CTNNA3: variants seen among roughly 807,000 people sequenced by gnomAD.
CTNNA3 encodes catenin alpha-3.
A neutral mutation model predicts 95.7 loss-of-function variants in CTNNA3; 76 were observed. The ratio of observed to expected loss-of-function variants is 0.79; its 90% confidence interval spans 0.66 to 0.96. The LOEUF is 0.96. CTNNA3 is among the 40% of genes least tolerant of loss of function. The pLI is 0.00. For missense variants in CTNNA3, 1,191 were observed against 1,089.8 expected, an observed-to-expected ratio of 1.09 and a Z score of -1.31; for synonymous variants, 431 against 374.4, an observed-to-expected ratio of 1.15 and a Z score of -1.74.
At chr10:67,027,103 T>C (rs1256181716) in intron 7 of CTNNA3, among the ~76,000 whole-genome samples, 2 of 152,170 alleles carry the variant, frequency 1.3e-5, no homozygotes, top group Non-Finnish European at 2.9e-5. Flanking sequence ...TTCTTTTATA[T>C]CCCTTATAGC....
At chr10:66,875,695 T>C (rs1844590257) in intron 7 of CTNNA3, among the ~76,000 whole-genome samples, 1 of 152,194 alleles carries the variant, frequency 6.6e-6, no homozygotes. Flanking sequence ...AACATTTAAA[T>C]GTCATTTGAG....
chr10:67,632,595 C>A (rs2133440147), intron 2 of CTNNA3, among the ~76,000 whole-genome samples: 1 of 152,202 alleles, frequency 6.6e-6, no homozygotes, highest in Admixed American at 6.5e-5. Context: ...AAATGAACCC[C>A]CACCCTGAGC....
chr10:66,865,384 C>A (rs1289037293), intron 7 of CTNNA3, among the ~76,000 whole-genome samples: 1 of 152,004 alleles, frequency 6.6e-6, no homozygotes, highest in Non-Finnish European at 1.5e-5. Context: ...AAGGTGCCAG[C>A]ATTTTGTCAG....
intron 1 of CTNNA3, among the ~76,000 whole-genome samples, chr10:67,752,689 AACAG>A (rs1273812424): frequency 1.3e-5 from 2 of 152,158 alleles, no homozygotes; most frequent in African/African-American, 2.4e-5. Flanking sequence ...ACAATAGACA[AACAG>A]ACAGCCAAAT....
chr10:66,170,105 T>G (rs966471630), intron 13 of CTNNA3, among the ~76,000 whole-genome samples: 1 of 152,146 alleles, frequency 6.6e-6, no homozygotes, highest in African/African-American at 2.4e-5. Flanking sequence ...CAAGCCAATG[T>G]CTAGAAGGGT....
At chr10:66,814,982 G>C (rs1842019115) in intron 7 of CTNNA3, among the ~76,000 whole-genome samples, 1 of 151,478 alleles carries the variant, frequency 6.6e-6, no homozygotes, top group Admixed American at 6.6e-5. Flanking sequence ...CTCCCGAGGA[G>C]TTGGGACTAC....
intron 13 of CTNNA3, among the ~76,000 whole-genome samples, chr10:66,159,612 G>GT (rs1217484932): frequency 7.6e-6 from 1 of 131,530 alleles, no homozygotes; most frequent in African/African-American, 2.7e-5. Flanking sequence ...TTGGTCTTTA[G>GT]TTTTTTGTTT....
chr10:67,173,934 G>A (rs557722672), intron 7 of CTNNA3, among the ~76,000 whole-genome samples: 4 of 152,154 alleles, frequency 2.6e-5, no homozygotes, highest in Non-Finnish European at 4.4e-5. Context: ...GCCTCTGCTG[G>A]AAGGCAAATG....
intron 7 of CTNNA3, among the ~76,000 whole-genome samples, chr10:66,879,235 A>G (rs920068492): frequency 2.0e-5 from 3 of 152,114 alleles, no homozygotes; most frequent in African/African-American, 7.2e-5. Context: ...TACAGCACCA[A>G]CATTTACTAC....
At chr10:66,137,175 C>G (rs1276856029) in intron 13 of CTNNA3, among the ~76,000 whole-genome samples, 1 of 151,874 alleles carries the variant, frequency 6.6e-6, no homozygotes, top group African/African-American at 2.4e-5. Flanking sequence ...CTTCTTGAGA[C>G]TTTTTTTTAG....
intron 7 of CTNNA3, among the ~76,000 whole-genome samples, chr10:67,063,621 T>C (rs982268650): frequency 6.6e-6 from 1 of 152,202 alleles, no homozygotes; most frequent in Non-Finnish European, 1.5e-5. Flanking sequence ...ATAATGCATA[T>C]GACATGGCTT....
At chr10:66,663,409 T>G (rs2132448781) in intron 9 of CTNNA3, among the ~76,000 whole-genome samples, 1 of 151,874 alleles carries the variant, frequency 6.6e-6, no homozygotes, top group African/African-American at 2.4e-5. Flanking sequence ...TTTCATGACT[T>G]TCTCACTTAG....
At chr10:66,486,645 A>G (rs1012253274) in intron 11 of CTNNA3, among the ~76,000 whole-genome samples, 2 of 152,184 alleles carry the variant, frequency 1.3e-5, no homozygotes, top group African/African-American at 2.4e-5. Flanking sequence ...AGTCAAAAAA[A>G]CTAAAAATAG....
chr10:66,085,715 C>T (rs888382812), intron 14 of CTNNA3, among the ~76,000 whole-genome samples: 3 of 152,078 alleles, frequency 2.0e-5, no homozygotes, highest in African/African-American at 7.2e-5. Context: ...GATTACAGTG[C>T]CTACAGCATT....
intron 10 of CTNNA3, among the ~76,000 whole-genome samples, chr10:66,524,965 C>T (rs1042610291): frequency 6.6e-6 from 1 of 152,002 alleles, no homozygotes; most frequent in East Asian, 1.9e-4. Flanking sequence ...AGGAGAATTG[C>T]TTGAACCAGG....
At chr10:66,698,723 T>C (rs10997317) in intron 9 of CTNNA3, among the ~76,000 whole-genome samples, 27,114 of 152,090 alleles carry the variant, frequency 0.18, 3,060 homozygotes, top group East Asian at 0.33. Flanking sequence ...AAGCCTATAT[T>C]ACTGAGAGAT....
At chr10:67,149,390 C>A (rs1257313781) in intron 7 of CTNNA3, among the ~76,000 whole-genome samples, 1 of 151,990 alleles carries the variant, frequency 6.6e-6, no homozygotes, top group Non-Finnish European at 1.5e-5. Flanking sequence ...TTGAGACCAT[C>A]CTGGCTAACA....
chr10:67,078,664 C>G (rs1255443510), intron 7 of CTNNA3, among the ~76,000 whole-genome samples: 3 of 151,950 alleles, frequency 2.0e-5, no homozygotes, highest in Non-Finnish European at 4.4e-5. Flanking sequence ...TTACAGGCAC[C>G]CACCACCACA....
intron 5 of CTNNA3, among the ~76,000 whole-genome samples, chr10:67,265,915 C>T (rs949790807): frequency 3.9e-5 from 6 of 152,112 alleles, no homozygotes; most frequent in African/African-American, 1.4e-4. Flanking sequence ...GGTCCTAACA[C>T]CCCGGAGATT....
Sources: gnomAD v4.1 joint callset for allele counts (sites outside exome capture counted in the v4.1 genomes callset) on GRCh38, gnomAD v4.1.1 for gene constraint, MANE v1.5 for transcripts, NCBI Gene and HGNC (gene_info 2026-07-23, HGNC 2026-07-21) for gene names.